CDH4: variants seen among roughly 807,000 people sequenced by gnomAD.
CDH4 encodes cadherin 4, also known as cadherin-4.
Under a neutral mutation model 86.0 loss-of-function variants are expected in CDH4, and 33 were observed. That is an observed-to-expected ratio of 0.38 (90% CI 0.29 to 0.51). The LOEUF (loss-of-function observed/expected upper bound fraction) is 0.51. Among genes scored for constraint, CDH4 ranks in the 20% least tolerant of loss-of-function variants. CDH4 has a pLI of 0.86. For missense variants in CDH4, 1,114 were observed against 1,307.4 expected, an observed-to-expected ratio of 0.85 and a Z score of 2.28; for synonymous variants, 555 against 549.4, an observed-to-expected ratio of 1.01 and a Z score of -0.14.
At chr20:61,795,966 T>C (rs1028365809) in intron 4 of CDH4, among the ~76,000 whole-genome samples, 2 of 152,128 alleles carry the variant, frequency 1.3e-5, no homozygotes, top group Non-Finnish European at 2.9e-5. Flanking sequence ...CTGAGTGACA[T>C]GGTCAGATCT....
chr20:61,333,734 C>T (rs1432189248), intron 2 of CDH4, among the ~76,000 whole-genome samples: 1 of 152,250 alleles, frequency 6.6e-6, no homozygotes, highest in African/African-American at 2.4e-5. Context: ...AGGCGAAGAG[C>T]ATCGTGATGT....
At chr20:61,662,161 C>T (rs962401786) in intron 2 of CDH4, among the ~76,000 whole-genome samples, 1 of 152,178 alleles carries the variant, frequency 6.6e-6, no homozygotes, top group African/African-American at 2.4e-5. Flanking sequence ...CCTAATCTGC[C>T]ATGGCCTGGT....
intron 2 of CDH4, among the ~76,000 whole-genome samples, chr20:61,565,260 GT>G (rs2086274382): frequency 7.9e-5 from 8 of 101,788 alleles, no homozygotes; most frequent in Non-Finnish European, 1.5e-4. Context: ...CTTGGTGATG[GT>G]GGTGGTGGTC....
chr20:61,381,804 A>G (rs1204940294), intron 2 of CDH4, among the ~76,000 whole-genome samples: 1 of 152,194 alleles, frequency 6.6e-6, no homozygotes, highest in African/African-American at 2.4e-5. Context: ...GGCCAGGTGT[A>G]GTGGCTCACA....
rs561132007 is a variant in CDH4 at position 61,570,475 on chromosome 20, G to T, written c.170-173088G>T. The stretch of plus-strand genomic sequence containing the variant: ...TGACCCGAATTGCTTCTTCCCAGAG[G>T]CTGGGTCTCCCTCGCAGCCCCTGCT... On this transcript the variant is annotated intron_variant, in intron 2 of 15. Transcript: ENST00000614565. 1.4e-5 allele frequency: 8 copies of T among 571,810 alleles called. No homozygotes were observed. In the South Asian group the frequency reaches 1.7e-4, roughly 12 times the overall value. 35.4% of individuals were successfully genotyped at this position (571,810 alleles called of 1,614,324 possible). A position where few individuals can be genotyped will look rare whatever the true frequency, so the allele number is the denominator to read the frequency against.
rs11403148 is a variant in CDH4, at chr20:61,903,539, A to AT, written c.1189-6882dup. 0.041 allele frequency among the ~76,000 whole-genome samples: 5,103 copies of AT among 125,914 alleles called. 634 individuals are homozygous for AT. The East Asian group carries it at 0.45, about 11-fold the overall frequency. 82.6% of individuals were successfully genotyped at this position (125,914 alleles called of 152,430 possible). On this transcript the variant is annotated intron_variant, in intron 8 of 15. Coordinates refer to ENST00000614565, the MANE Select transcript of CDH4 (RefSeq NM_001794.5). The stretch of plus-strand genomic sequence containing the variant: ...CAGCGTGGGCAGCAGAAGAGACTCC[A>AT]TAAAAAAAAAAAAAAAAAAAGTGTA...
intron 9 of CDH4, among the ~76,000 whole-genome samples, chr20:61,917,617 G>T (rs2054918411): frequency 6.6e-6 from 1 of 152,212 alleles, no homozygotes; most frequent in Admixed American, 6.5e-5. Context: ...GGGGAGCAGG[G>T]CAGACGTCCT....
At chr20:61,285,295 C>A (rs1165110760) in intron 2 of CDH4, among the ~76,000 whole-genome samples, 1 of 152,214 alleles carries the variant, frequency 6.6e-6, no homozygotes, top group Non-Finnish European at 1.5e-5. Context: ...GGCATCGAAC[C>A]CACAGCTGCC....
chr20:61,605,708 T>A (rs886661651), intron 2 of CDH4, among the ~76,000 whole-genome samples: 8 of 152,122 alleles, frequency 5.3e-5, no homozygotes, highest in Non-Finnish European at 7.4e-5. Context: ...TCTCCAACCC[T>A]GCTTTTCCTC....
chr20:61,673,493 G>C (rs1464160653), intron 2 of CDH4, among the ~76,000 whole-genome samples: 20 of 152,248 alleles, frequency 1.3e-4, no homozygotes, highest in Non-Finnish European at 2.9e-5. Context: ...GGCAGTTGAG[G>C]AGCCTGGCGG....
chr20:61,500,688 G>A (rs926665158), intron 2 of CDH4, among the ~76,000 whole-genome samples: 5 of 152,278 alleles, frequency 3.3e-5, no homozygotes. Context: ...TGACTGATGG[G>A]AAGAGGAACT....
At chr20:61,932,005 G>A (rs1296881126) in intron 13 of CDH4, among the ~76,000 whole-genome samples, 1 of 152,040 alleles carries the variant, frequency 6.6e-6, no homozygotes, top group Admixed American at 6.6e-5. Context: ...CCCACCCCAG[G>A]GGCCCTCAGG....
At chr20:61,830,093 G>A (rs1023595128) in intron 4 of CDH4, among the ~76,000 whole-genome samples, 18 of 18,330 alleles carry the variant, frequency 9.8e-4, no homozygotes, top group African/African-American at 2.6e-3. Context: ...CCCCACTCCC[G>A]CAGTTCTACC....
chr20:61,346,889 G>A (rs946624160), intron 2 of CDH4, among the ~76,000 whole-genome samples: 35 of 152,196 alleles, frequency 2.3e-4, no homozygotes, highest in African/African-American at 7.0e-4. Flanking sequence ...TTGACTCCAC[G>A]TACGGGTGCC....
chr20:61,438,011 G>A (rs2085294541), intron 2 of CDH4, among the ~76,000 whole-genome samples: 1 of 152,214 alleles, frequency 6.6e-6, no homozygotes, highest in African/African-American at 2.4e-5. Flanking sequence ...GACAGCCGCG[G>A]ACAGCACTTA....
intron 2 of CDH4, among the ~76,000 whole-genome samples, chr20:61,285,496 C>T (rs944461326): frequency 6.6e-6 from 1 of 152,242 alleles, no homozygotes; most frequent in African/African-American, 2.4e-5. Context: ...AAGCAAAACT[C>T]AGAAAACAGC....
intron 2 of CDH4, among the ~76,000 whole-genome samples, chr20:61,698,465 G>A (rs1333691061): frequency 6.6e-6 from 1 of 152,266 alleles, no homozygotes; most frequent in African/African-American, 2.4e-5. Flanking sequence ...AGAAACCAAG[G>A]CAAGGAGCTC....
chr20:61,837,441 G>T (rs902168351), intron 4 of CDH4, among the ~76,000 whole-genome samples: 4 of 152,176 alleles, frequency 2.6e-5, no homozygotes, highest in African/African-American at 9.7e-5. Context: ...TCACTTACTC[G>T]TGAACCTTCG....
chr20:61,928,142 A>G (rs1261200649), intron 11 of CDH4, 48 bp from the exon 12 acceptor site: 1 of 1,453,864 alleles, frequency 6.9e-7, no homozygotes, highest in Non-Finnish European at 9.5e-7. Context: ...TGGGTTGGTC[A>G]TGGAGTACCA....
Sources: gnomAD v4.1 joint callset for allele counts (sites outside exome capture counted in the v4.1 genomes callset) on GRCh38, gnomAD v4.1.1 for gene constraint, MANE v1.5 for transcripts, NCBI Gene and HGNC (gene_info 2026-07-23, HGNC 2026-07-21) for gene names.